The following PHACTR1 variants were observed in gnomAD, a reference collection of about 807,000 sequenced individuals.
PHACTR1 encodes the protein RPEL repeat containing 1.
Under a neutral mutation model 69.2 loss-of-function variants are expected in PHACTR1, and 16 were observed. The ratio of observed to expected loss-of-function variants is 0.23; its 90% CI spans 0.16 to 0.35. PHACTR1 has a LOEUF of 0.35. Among genes scored for constraint, PHACTR1 ranks in the 10% least tolerant of loss-of-function variants. The pLI is 1.00. For synonymous variants in PHACTR1, 312 were observed against 284.5 expected (o/e 1.10, Z -0.97); for missense variants, 510 against 734.7 (o/e 0.69, Z 3.54).
rs116284678 is a variant in PHACTR1, at chr6:12,849,281, G to A, written c.250+99491G>A. Among the ~76,000 whole-genome samples, 1,183 of 152,240 alleles carry A rather than the reference G, an allele frequency of 7.8e-3. 20 individuals carry two copies. The highest frequency in any genetic ancestry group is 0.026 in the African/African-American group (1,072 of 41,526). ...GAGCCCTCACAATTAACAATAAAGC[G>A]CTTAGGCTTCAGTGTGGTGAGGTCC... On this transcript the variant is annotated intron_variant, in intron 4 of 14. Transcript: ENST00000332995.
intron 4 of PHACTR1, among the ~76,000 whole-genome samples, chr6:12,879,366 T>C (rs1388856631): frequency 6.6e-6 from 1 of 152,170 alleles, no homozygotes; most frequent in Non-Finnish European, 1.5e-5. Flanking sequence ...ACTCAACTCT[T>C]TTAAATGTCA....
intron 8 of PHACTR1, among the ~76,000 whole-genome samples, chr6:13,209,210 A>G (rs1766416836): frequency 6.6e-6 from 1 of 152,236 alleles, no homozygotes; most frequent in Non-Finnish European, 1.5e-5. Context: ...GTCACAGGCC[A>G]CACTTTTCAG....
intron 4 of PHACTR1, among the ~76,000 whole-genome samples, chr6:12,921,778 AAC>A (rs139566890): frequency 5.8e-4 from 20 of 34,688 alleles, no homozygotes; most frequent in African/African-American, 2.1e-3. Flanking sequence ...AAGGGAGAGA[AAC>A]AGGGAGGGAG....
chr6:13,231,276 GAAGGAAAGAGAA>G (rs1474089617), intron 10 of PHACTR1, among the ~76,000 whole-genome samples: 4 of 88,964 alleles, frequency 4.5e-5, no homozygotes, highest in African/African-American at 2.2e-4. Flanking sequence ...GAAAGAGAAA[GAAGGAAAGAGAA>G]AGAGAGAGCG....
intron 10 of PHACTR1, among the ~76,000 whole-genome samples, chr6:13,243,240 A>G (rs1584188730): frequency 6.9e-6 from 1 of 145,958 alleles, no homozygotes; most frequent in Non-Finnish European, 1.5e-5. Context: ...GAGTTGTCAG[A>G]CCACTTTTTT....
At chr6:13,284,877 G>A (rs189332918) in intron 13 of PHACTR1, among the ~76,000 whole-genome samples, 3 of 152,200 alleles carry the variant, frequency 2.0e-5, no homozygotes, top group East Asian at 1.9e-4. Context: ...CGCCTGTGGC[G>A]GGTCAACCCA....
At chr6:13,258,507 A>G (rs112295234) in intron 10 of PHACTR1, among the ~76,000 whole-genome samples, 151 of 152,366 alleles carry the variant, frequency 9.9e-4, no homozygotes, top group African/African-American at 3.6e-3. Flanking sequence ...GGCAAGCGGC[A>G]GAGATCAGGA....
intron 10 of PHACTR1, among the ~76,000 whole-genome samples, chr6:13,242,905 G>C (rs896468689): frequency 2.6e-5 from 4 of 152,310 alleles, no homozygotes; most frequent in African/African-American, 9.6e-5. Context: ...TGTAATGGGT[G>C]TTATTTAAAA....
intron 4 of PHACTR1, among the ~76,000 whole-genome samples, chr6:12,864,915 T>G (rs1781305954): frequency 6.6e-6 from 1 of 152,170 alleles, no homozygotes; most frequent in Non-Finnish European, 1.5e-5. Flanking sequence ...ATTCTCTTCT[T>G]GATTTTCTTG....
chr6:12,729,141 C>T (rs1188858022), intron 3 of PHACTR1, among the ~76,000 whole-genome samples: 2 of 152,156 alleles, frequency 1.3e-5, no homozygotes, highest in Admixed American at 6.5e-5. Flanking sequence ...TTCTCTGATG[C>T]CATTTCTTTC....
intron 4 of PHACTR1, among the ~76,000 whole-genome samples, chr6:12,901,500 G>C (rs1350777919): frequency 2.0e-5 from 3 of 152,078 alleles, no homozygotes; most frequent in Admixed American, 2.0e-4. Flanking sequence ...GCATTTTTTG[G>C]TTTGTTTGTT....
chr6:13,198,667 C>T (rs552737238), intron 7 of PHACTR1, among the ~76,000 whole-genome samples: 55 of 151,882 alleles, frequency 3.6e-4, no homozygotes, highest in African/African-American at 1.1e-3. Context: ...TGCATAAATC[C>T]CGTCATGTTT....
chr6:12,808,219 C>T (rs112509636), intron 4 of PHACTR1, among the ~76,000 whole-genome samples: 16 of 152,272 alleles, frequency 1.1e-4, no homozygotes, highest in African/African-American at 3.4e-4. Context: ...ATCTATACAA[C>T]GAGATTCTTT....
intron 4 of PHACTR1, among the ~76,000 whole-genome samples, chr6:12,814,727 A>T (rs1435098133): frequency 6.6e-6 from 1 of 152,218 alleles, no homozygotes; most frequent in Non-Finnish European, 1.5e-5. Context: ...GCTATACTCG[A>T]TACAGTTAGT....
chr6:12,733,444 T>C (rs1253061896), intron 3 of PHACTR1, among the ~76,000 whole-genome samples: 1 of 152,190 alleles, frequency 6.6e-6, no homozygotes, highest in Non-Finnish European at 1.5e-5. Context: ...ACTGACCGAA[T>C]ACCACACAAC....
At chr6:13,281,048 A>G in intron 12 of PHACTR1, 1 of 1,289,598 alleles carries the variant, frequency 7.8e-7, no homozygotes, top group Non-Finnish European at 1.0e-6. Flanking sequence ...CTTGTGCTCT[A>G]TGCTGTCTTG....
chr6:12,886,082 G>C (rs886169264), intron 4 of PHACTR1, among the ~76,000 whole-genome samples: 1 of 152,108 alleles, frequency 6.6e-6, no homozygotes, highest in Non-Finnish European at 1.5e-5. Flanking sequence ...GTGACAGGGT[G>C]AGACTCCATC....
chr6:12,872,929 C>T (rs1782187211), intron 4 of PHACTR1, among the ~76,000 whole-genome samples: 2 of 152,016 alleles, frequency 1.3e-5, no homozygotes, highest in South Asian at 4.2e-4. Flanking sequence ...TCCCTTCTTT[C>T]TTTCTTTTCT....
At chr6:13,062,135 A>C (rs1200590069) in intron 5 of PHACTR1, among the ~76,000 whole-genome samples, 1 of 152,198 alleles carries the variant, frequency 6.6e-6, no homozygotes, top group African/African-American at 2.4e-5. Context: ...GATACTCATG[A>C]CAGCATCCAG....
Sources: allele counts gnomAD v4.1 joint callset (sites outside exome capture counted in the v4.1 genomes callset), GRCh38; gene constraint gnomAD v4.1.1; transcripts MANE v1.5; gene names NCBI Gene and HGNC (gene_info 2026-07-23, HGNC 2026-07-21).